The following LDB2 variants were observed in gnomAD, a reference collection of about 807,000 sequenced individuals.
LDB2 encodes the protein LIM domain binding 2.
In LDB2, 12 loss-of-function variants were observed where a neutral mutation model predicts 44.3. That is an observed-to-expected ratio of 0.27 (90% confidence interval 0.17 to 0.44). The LOEUF (loss-of-function observed/expected upper bound fraction) is 0.44. LDB2 is among the 20% of genes least tolerant of loss of function. The pLI is 1.00. For missense variants in LDB2, 344 were observed against 473.5 expected, an observed-to-expected ratio of 0.73 and a Z score of 2.54; for synonymous variants, 164 against 174.8, an observed-to-expected ratio of 0.94 and a Z score of 0.49.
At chr4:16,596,681 G>T (rs1721017620) in intron 2 of LDB2, among the ~76,000 whole-genome samples, 1 of 152,016 alleles carries the variant, frequency 6.6e-6, no homozygotes, top group Non-Finnish European at 1.5e-5. Flanking sequence ...AGAATAAAAG[G>T]CTAATTTTAA....
At chr4:16,823,857 C>A (rs1782552288) in intron 1 of LDB2, among the ~76,000 whole-genome samples, 1 of 152,192 alleles carries the variant, frequency 6.6e-6, no homozygotes, top group South Asian at 2.1e-4. Flanking sequence ...ATTATGCCAG[C>A]TGATCACTTA....
intron 5 of LDB2, among the ~76,000 whole-genome samples, chr4:16,573,509 G>C (rs1343648078): frequency 6.6e-6 from 1 of 152,260 alleles, no homozygotes; most frequent in African/African-American, 2.4e-5. Flanking sequence ...AGTTATAGTA[G>C]TCTTAAAGTT....
intron 1 of LDB2, among the ~76,000 whole-genome samples, chr4:16,794,182 A>C (rs865994918): frequency 6.6e-6 from 1 of 152,158 alleles, no homozygotes; most frequent in Non-Finnish European, 1.5e-5. Flanking sequence ...GTTAGGCAGC[A>C]TGGGGCTGAC....
chr4:16,511,916 C>A, intron 6 of LDB2, 65 bp downstream of exon 6: 1 of 1,520,340 alleles, frequency 6.6e-7, no homozygotes. Context: ...TTTTTCACAT[C>A]ACTTCATCCC....
At chr4:16,857,030 G>C (rs1055947139) in intron 1 of LDB2, among the ~76,000 whole-genome samples, 2 of 152,110 alleles carry the variant, frequency 1.3e-5, no homozygotes, top group African/African-American at 4.8e-5. Flanking sequence ...AAGTAGACTT[G>C]AAGTCCCACT....
At chr4:16,688,092 C>G (rs1749699651) in intron 2 of LDB2, among the ~76,000 whole-genome samples, 1 of 152,124 alleles carries the variant, frequency 6.6e-6, no homozygotes, top group African/African-American at 2.4e-5. Context: ...TTCCAAGTTA[C>G]AAGGTATAGA....
chr4:16,704,645 G>A (rs964346003), intron 2 of LDB2, among the ~76,000 whole-genome samples: 1 of 152,218 alleles, frequency 6.6e-6, no homozygotes, highest in Admixed American at 6.5e-5. Flanking sequence ...AGACTGGGCT[G>A]TTGGTTTAAT....
intron 2 of LDB2, among the ~76,000 whole-genome samples, chr4:16,642,823 A>C (rs968550150): frequency 1.1e-4 from 16 of 152,230 alleles, no homozygotes; most frequent in African/African-American, 3.6e-4. Context: ...TCAGCAGTGA[A>C]TAGACATTGG....
chr4:16,543,325 C>G (rs1465158904), intron 5 of LDB2, among the ~76,000 whole-genome samples: 1 of 152,164 alleles, frequency 6.6e-6, no homozygotes, highest in Non-Finnish European at 1.5e-5. Flanking sequence ...ATTTCTAGTT[C>G]TAGATCCTTG....
intron 1 of LDB2, among the ~76,000 whole-genome samples, chr4:16,886,948 G>C (rs547448748): frequency 8.8e-5 from 13 of 148,420 alleles, no homozygotes; most frequent in South Asian, 8.5e-4. Flanking sequence ...CAGGAGAATG[G>C]CGTGAACCCA....
At chr4:16,748,846 C>T (rs1310169231) in intron 2 of LDB2, among the ~76,000 whole-genome samples, 4 of 152,164 alleles carry the variant, frequency 2.6e-5, no homozygotes, top group African/African-American at 9.6e-5. Context: ...TTATTAGGAA[C>T]AGATTTATAA....
chr4:16,829,986 T>A (rs902295075), intron 1 of LDB2, among the ~76,000 whole-genome samples: 1 of 152,050 alleles, frequency 6.6e-6, no homozygotes, highest in Non-Finnish European at 1.5e-5. Context: ...GTGCCTGTAA[T>A]CTCAGCTACT....
intron 2 of LDB2, among the ~76,000 whole-genome samples, chr4:16,694,357 C>T (rs1308738071): frequency 2.0e-5 from 3 of 152,232 alleles, no homozygotes; most frequent in Non-Finnish European, 4.4e-5. Context: ...TCCCCCTTCT[C>T]TCCACACTTC....
intron 2 of LDB2, among the ~76,000 whole-genome samples, chr4:16,740,836 A>G (rs1216095870): frequency 6.6e-6 from 1 of 152,196 alleles, no homozygotes; most frequent in African/African-American, 2.4e-5. Flanking sequence ...TATCTCTTTA[A>G]TGCAATGCGT....
rs533792630 is a variant in LDB2 at position 16,611,369 on chromosome 4, T to C, written c.236-15494A>G. Among the ~76,000 whole-genome samples, 13 of 152,136 alleles carry C rather than the reference T, an allele frequency of 8.5e-5. No individual in the cohort carries two copies. The South Asian group carries it at 1.9e-3, about 22-fold the overall frequency. ...GGATCAAATTCACATATAACAACAC[T>C]AATTTTAAATGTAAACAGGCTAAAT... On this transcript the variant is annotated intron_variant, in intron 2 of 7. Coordinates refer to ENST00000304523, the MANE Select transcript of LDB2 (RefSeq NM_001290.5).
At chr4:16,580,257 G>A (rs1713835710) in intron 5 of LDB2, among the ~76,000 whole-genome samples, 1 of 152,114 alleles carries the variant, frequency 6.6e-6, no homozygotes, top group South Asian at 2.1e-4. Context: ...GATCACAGAG[G>A]GCTTTGTGTA....
chr4:16,776,537 T>C lies in LDB2; in HGVS notation c.133-17277A>G, dbSNP rs573120040. ...CTTTGATGGAATGGGGGTAGTTACC[T>C]AGGACTCTGAATTCATTCGTGCATT... On this transcript the variant is annotated intron_variant, in intron 1 of 7. Coordinates refer to ENST00000304523, the MANE Select transcript of LDB2 (RefSeq NM_001290.5). Among the ~76,000 whole-genome samples, 5 of 152,308 alleles carry C rather than the reference T, an allele frequency of 3.3e-5. No homozygotes were observed. The East Asian group carries it at 7.7e-4, about 24-fold the overall frequency.
At chr4:16,886,977 G>A (rs1721881456) in intron 1 of LDB2, among the ~76,000 whole-genome samples, 1 of 140,002 alleles carries the variant, frequency 7.1e-6, no homozygotes. Flanking sequence ...AGCTTGCAGT[G>A]AGCTGAGATC....
intron 1 of LDB2, among the ~76,000 whole-genome samples, chr4:16,870,940 C>T (rs988587944): frequency 4.6e-5 from 7 of 152,184 alleles, no homozygotes; most frequent in East Asian, 1.9e-4. Flanking sequence ...TGCCTCCTTG[C>T]GTTCTTTAAA....
Sources: gnomAD v4.1 joint callset for allele counts (sites outside exome capture counted in the v4.1 genomes callset) on GRCh38, gnomAD v4.1.1 for gene constraint, MANE v1.5 for transcripts, NCBI Gene and HGNC (gene_info 2026-07-23, HGNC 2026-07-21) for gene names.